Variants in PPL observed in about 807,000 individuals in gnomAD.
The protein encoded by PPL is periplakin, also known as 190 kDa paraneoplastic pemphigus antigen.
PPL carries 198 observed loss-of-function variants against 194.4 expected under a neutral mutation model. The ratio of observed to expected loss-of-function variants is 1.02; its 90% CI spans 0.91 to 1.15. The LOEUF is 1.15. Ranked by LOEUF, PPL falls within the 50% of genes most tolerant of loss-of-function variation. The probability of loss-of-function intolerance (pLI) is 0.00; values close to 1 mark genes in which losing one functional copy is unlikely to be tolerated. For missense variants in PPL, 2,885 were observed against 2,294.8 expected, an observed-to-expected ratio of 1.26 and a Z score of -5.25; for synonymous variants, 1,220 against 972.4, an observed-to-expected ratio of 1.25 and a Z score of -4.74.
chr16:4,923,574 G>C (rs1310488131), intron 1 of PPL, among the ~76,000 whole-genome samples: 4 of 152,178 alleles, frequency 2.6e-5, no homozygotes, highest in African/African-American at 9.7e-5. Flanking sequence ...AAGTCACATG[G>C]CACCAACTGG....
chr16:4,931,153 C>A (rs2089220631), intron 1 of PPL, among the ~76,000 whole-genome samples: 1 of 152,096 alleles, frequency 6.6e-6, no homozygotes, highest in African/African-American at 2.4e-5. Flanking sequence ...CACTTGAGCC[C>A]AGGAGTTCAG....
intron 1 of PPL, among the ~76,000 whole-genome samples, chr16:4,927,323 C>T (rs923307902): frequency 6.6e-5 from 10 of 152,116 alleles, no homozygotes; most frequent in East Asian, 3.8e-4. Flanking sequence ...CAAGAGGGAG[C>T]GAGGCAATCC....
chr16:4,882,999 G>C lies in PPL; in HGVS notation c.*385C>G, dbSNP rs926552360. 1 of 242,596 alleles carries C rather than the reference G, an allele frequency of 4.1e-6. No individual in the cohort carries two copies. The highest frequency in any genetic ancestry group is 8.1e-6 in the Non-Finnish European group (1 of 123,686). The allele number at this position is 242,596 out of a possible 1,614,324, so 15.0% of individuals were successfully genotyped here. Reference sequence around the variant, plus strand: ...CTTTGTGGGGCAGTGTCACTGTCTGGTGTGCCACCAGTACCCATGCTGCAA... The same window carrying C: ...CTTTGTGGGGCAGTGTCACTGTCTGCTGTGCCACCAGTACCCATGCTGCAA... On this transcript the variant is annotated 3_prime_UTR_variant, in exon 22 of 22. Coordinates refer to ENST00000345988, the MANE Select transcript of PPL (RefSeq NM_002705.5).
At position 4,936,010 on chromosome 16, in the gene PPL, T is replaced by C. The variant is rs779796363; in HGVS notation, c.62+974A>G. Among the ~76,000 whole-genome samples, 79 of 152,290 alleles carry C rather than the reference T, an allele frequency of 5.2e-4. 2 individuals are homozygous for C. Among genetic ancestry groups the C allele is most frequent in the Middle Eastern group, 3.4e-3 (1 of 294 alleles). Reference sequence around the variant, plus strand: ...CACTCTATTTTCCGAAGTGGGGATATAAGGCAGGGGCTGGATTCCCACCCC... The same window carrying C: ...CACTCTATTTTCCGAAGTGGGGATACAAGGCAGGGGCTGGATTCCCACCCC... On this transcript the variant is annotated intron_variant, in intron 1 of 21. Coordinates refer to ENST00000345988, the MANE Select transcript of PPL (RefSeq NM_002705.5).
At chr16:4,893,673 G>A in intron 12 of PPL, 35 bp from the exon 13 acceptor site, 1 of 1,527,238 alleles carries the variant, frequency 6.5e-7, no homozygotes, top group Non-Finnish European at 8.8e-7. Flanking sequence ...AACCTGGGCA[G>A]CCCACCACCC....
chr16:4,888,529 C>CA (rs1421651811), intron 19 of PPL, among the ~76,000 whole-genome samples: 1 of 152,184 alleles, frequency 6.6e-6, no homozygotes, highest in Non-Finnish European at 1.5e-5. Flanking sequence ...AACATCGTAC[C>CA]ATAACCCTGT....
At position 4,885,105 on chromosome 16, in the gene PPL, C is replaced by T. The variant is rs200847084; in HGVS notation, c.3550G>A (p.Ala1184Thr). ...CGGAGGTTCGCCACTTCACTTTCCG[C>T]CTTGGGGTCTGGCCGCACGATCTCC... ...VREIVRPDPK[A>T]ESEVANLRLE... is the part of the protein sequence containing the mutation. Residue 1184 changes from alanine (A) to threonine (T), a missense_variant, in exon 22 of 22, where the codon GCG (alanine) becomes ACG (threonine). Coordinates refer to ENST00000345988, the MANE Select transcript of PPL (RefSeq NM_002705.5). This position sits in a 1 kb window ranked among gnomAD's most constrained non-coding sequence, Gnocchi z 6.3. 8.6e-5 allele frequency: 138 copies of T among 1,613,804 alleles called. No individual in the cohort carries two copies. The highest frequency in any genetic ancestry group is 3.2e-5 in the Non-Finnish European group (38 of 1,180,034).
In PPL at chr16:4,884,843, TG is replaced by T. The variant is rs1446625085; in HGVS notation, c.3811del (p.Gln1271SerfsTer2). The T allele has an allele frequency of 1.2e-6, 2 of 1,614,070 alleles. No individual in the cohort carries two copies. Among genetic ancestry groups the T allele is most frequent in the Non-Finnish European group, 1.7e-6 (2 of 1,180,038 alleles). Reference sequence around the variant, plus strand: ...CAGGGCCTGGATTTCCTTTTTCAGCTGGTAGATCTCTAAATCACACCTTTCG... The same window carrying T: ...CAGGGCCTGGATTTCCTTTTTCAGCTGTAGATCTCTAAATCACACCTTTCG... ...LIERCDLEIYQLKKEIQALKD... is the reference protein window; with the variant it reads ...LIERCDLEIYXLKKEIQALKD... On this transcript the variant is annotated frameshift_variant, in exon 22 of 22. Coordinates refer to ENST00000345988, the MANE Select transcript of PPL (RefSeq NM_002705.5). LOFTEE classifies it high-confidence loss of function. This position sits in a 1 kb window ranked among gnomAD's most constrained non-coding sequence, Gnocchi z 5.7.
intron 20 of PPL, 45 bp downstream of exon 20, chr16:4,888,057 T>G (rs1455530657): frequency 7.1e-7 from 1 of 1,407,060 alleles, no homozygotes; most frequent in Non-Finnish European, 1.0e-6. Context: ...CAGGGCAGCT[T>G]GGCCTCCACC....
chr16:4,892,959 T>G, intron 14 of PPL: 1 of 453,946 alleles, frequency 2.2e-6, no homozygotes, highest in East Asian at 3.5e-5. Context: ...ACAGCCCATG[T>G]GCCATGCCAG....
At chr16:4,897,438 T>A (rs1330853495) in intron 9 of PPL, among the ~76,000 whole-genome samples, 1 of 151,324 alleles carries the variant, frequency 6.6e-6, no homozygotes, top group African/African-American at 2.4e-5. Context: ...CTGGGCCCCA[T>A]GTGACCTGGG....
At chr16:4,928,073 A>G (rs986633708) in intron 1 of PPL, among the ~76,000 whole-genome samples, 2 of 152,246 alleles carry the variant, frequency 1.3e-5, no homozygotes, top group African/African-American at 4.8e-5. Flanking sequence ...ACAGGGCTCA[A>G]GCCAACTTTG....
At chr16:4,929,852 ATT>A (rs780244720) in intron 1 of PPL, among the ~76,000 whole-genome samples, 3 of 140,708 alleles carry the variant, frequency 2.1e-5, no homozygotes, top group African/African-American at 2.6e-5. Context: ...TGCCCAGCTA[ATT>A]TTTTTTTTTT....
At chr16:4,903,813 G>T in intron 3 of PPL, 73 bp downstream of exon 3, 1 of 1,566,078 alleles carries the variant, frequency 6.4e-7, no homozygotes. Context: ...GCTCCCAAAT[G>T]CTGAACAGGA....
rs2088406206 is a variant in PPL, at chr16:4,895,387, G to C, written c.1116C>G (p.Asp372Glu). The C allele has an allele frequency of 1.2e-6, 2 of 1,613,378 alleles. No homozygotes were observed. Among genetic ancestry groups the C allele is most frequent in the Non-Finnish European group, 1.7e-6 (2 of 1,179,942 alleles). Residue 372 changes from aspartate to glutamate, a missense_variant, in exon 11 of 22, where the codon GAC becomes GAG. Physicochemically the swap from Asp to Glu is conservative, Grantham distance 45. Transcript: ENST00000345988. ...RELDDQEKVL[D>E]KYEDVVQGLQ... is the part of the protein sequence containing the mutation. The stretch of plus-strand genomic sequence containing the variant: ...GCCCCTGCACCACGTCCTCATACTT[G>C]TCCAGCACCTTCTCCTGGTCCTGGA...
In PPL at chr16:4,902,299, C is replaced by G; in HGVS notation, c.438+107G>C. ...AAAACCATCAGGACCACGACTGTCT[C>G]CCTGGTAAGACCCGGGATGCCCATT... On this transcript the variant is annotated intron_variant, in intron 4 of 21. Transcript: ENST00000345988. The surrounding 1 kb of genome is among the most constrained non-coding windows in gnomAD (Gnocchi z 4.0). The G allele has an allele frequency of 6.6e-7, 1 of 1,514,470 alleles. No individual in the cohort carries two copies. Among genetic ancestry groups the G allele is most frequent in the Non-Finnish European group, 8.9e-7 (1 of 1,123,454 alleles). 93.8% of individuals were successfully genotyped at this position (1,514,470 alleles called of 1,614,324 possible). A position where few individuals can be genotyped will look rare whatever the true frequency, so the allele number is the denominator to read the frequency against.
rs1348124138 is a variant in PPL at position 4,885,245 on chromosome 16, T to TA, written c.3409dup (p.Tyr1137LeufsTer2). ...GCGAGCCTTGGCAGCCTCGTCCTCA[T>TA]ATTGGCGGGTGAGATCGCTGACCTC... On this transcript the variant is annotated frameshift_variant, in exon 22 of 22. Transcript: ENST00000345988. LOFTEE classifies it high-confidence loss of function. This position sits in a 1 kb window ranked among gnomAD's most constrained non-coding sequence, Gnocchi z 6.3. 1 of 1,613,432 alleles carries TA rather than the reference T, an allele frequency of 6.2e-7. No individual in the cohort carries two copies. The highest frequency in any genetic ancestry group is 8.5e-7 in the Non-Finnish European group (1 of 1,179,998).
chr16:4,905,681 A>G (rs904161575), intron 2 of PPL, among the ~76,000 whole-genome samples: 1 of 152,228 alleles, frequency 6.6e-6, no homozygotes, highest in African/African-American at 2.4e-5. Flanking sequence ...CCTGGTACGA[A>G]GTAAAGACTT....
intron 1 of PPL, among the ~76,000 whole-genome samples, chr16:4,936,401 G>A (rs936368132): frequency 6.6e-6 from 1 of 152,096 alleles, no homozygotes; most frequent in Admixed American, 6.5e-5. Flanking sequence ...GGCAGGTGCC[G>A]GGAAGTGCAG....
Sources: allele counts gnomAD v4.1 joint callset (sites outside exome capture counted in the v4.1 genomes callset), GRCh38; gene constraint gnomAD v4.1.1; non-coding constraint Gnocchi (gnomAD v3.1); transcripts MANE v1.5; gene names NCBI Gene and HGNC (gene_info 2026-07-23, HGNC 2026-07-21).